TBC1D21: variants seen among roughly 807,000 people sequenced by gnomAD.
TBC1D21 encodes male germ cell Rab GTPase-activating protein.
Under a neutral mutation model 46.0 loss-of-function variants are expected in TBC1D21, and 38 were observed. The observed-to-expected ratio is 0.83, with a 90% CI of 0.64 to 1.08. TBC1D21 has a LOEUF of 1.08. Ranked by LOEUF, TBC1D21 falls within the 50% of genes least tolerant of loss-of-function variation. The pLI, the probability that TBC1D21 is intolerant of heterozygous loss-of-function variation, is 0.00. For synonymous variants in TBC1D21, 151 were observed against 157.2 expected (o/e 0.96, Z 0.29); for missense variants, 415 against 417.9 (o/e 0.99, Z 0.06).
chr15:73,888,437 A>G lies in TBC1D21; in HGVS notation c.902A>G (p.Asn301Ser), dbSNP rs1461487473. 1 of 1,613,728 alleles carries G rather than the reference A, an allele frequency of 6.2e-7. No individual in the cohort carries two copies. Among genetic ancestry groups the G allele is most frequent in the Non-Finnish European group, 8.5e-7 (1 of 1,179,860 alleles). ...TCCCACACTCCCATGCAGGCCTGCA[A>G]CAACCTCATCGACCTTGATGCTGAT... ...MGGDDILLAC[N>S]NLIDLDADEL... is the part of the protein sequence containing the mutation. Residue 301 changes from asparagine (N) to serine (S), a missense_variant, in exon 10 of 11, where the codon AAC (asparagine) becomes AGC (serine). Physicochemically the swap from Asn to Ser is conservative, Grantham distance 46 (BLOSUM62 1). Coordinates refer to ENST00000300504, the MANE Select transcript of TBC1D21 (RefSeq NM_153356.3).
chr15:73,904,617 C>T, the TBC1D21 span, among the ~76,000 whole-genome samples: 7 of 152,048 alleles, frequency 4.6e-5, no homozygotes, highest in Admixed American at 4.6e-4. Context: ...GCAGAATCAG[C>T]TTGGGGGAAG....
At position 73,889,130 on chromosome 15, in the gene TBC1D21, C is replaced by G. The variant is rs377767100; in HGVS notation, c.*29C>G. 5 of 1,609,602 alleles carry G rather than the reference C, an allele frequency of 3.1e-6. No homozygotes were observed. Among genetic ancestry groups the G allele is most frequent in the Non-Finnish European group, 4.2e-6 (5 of 1,177,720 alleles). On this transcript the variant is annotated 3_prime_UTR_variant, in exon 11 of 11. Coordinates refer to ENST00000300504, the MANE Select transcript of TBC1D21 (RefSeq NM_153356.3). ...CACCAAAGCCCGCAGTGGACTGATG[C>G]CTTCGATGGGCAGGATGAAGGCCAG... is the stretch of plus-strand genomic sequence containing the variant.
the TBC1D21 span, among the ~76,000 whole-genome samples, chr15:73,899,556 A>G: frequency 6.6e-6 from 1 of 152,228 alleles, no homozygotes; most frequent in African/African-American, 2.4e-5. Context: ...AAGGAGATCC[A>G]GGAAGGCAAC....
chr15:73,887,149 A>C (rs941138725), intron 8 of TBC1D21, among the ~76,000 whole-genome samples: 1 of 152,132 alleles, frequency 6.6e-6, no homozygotes, highest in African/African-American at 2.4e-5. Context: ...GTCCAGCCCA[A>C]CCATCCACCT....
rs202190676 is a variant in TBC1D21, at chr15:73,884,298, C to G, written c.367+53C>G. The stretch of plus-strand genomic sequence containing the variant: ...GGCAGAGGGAGGGCTTGAAGCCAAC[C>G]CTGCCCCCTTCTCAGCCACTTCCAG... On this transcript the variant is annotated intron_variant, in intron 4 of 10. Coordinates refer to ENST00000300504, the MANE Select transcript of TBC1D21 (RefSeq NM_153356.3). 120 of 1,511,166 alleles carry G rather than the reference C, an allele frequency of 7.9e-5. No individual in the cohort carries two copies. The East Asian group carries it at 2.0e-3, about 25-fold the overall frequency. 93.6% of individuals were successfully genotyped at this position (1,511,166 alleles called of 1,614,324 possible).
chr15:73,877,551 GAA>G (rs1309188965), intron 1 of TBC1D21, among the ~76,000 whole-genome samples: 1 of 74,984 alleles, frequency 1.3e-5, no homozygotes, highest in Non-Finnish European at 2.5e-5. Context: ...AAAAAAAAAA[GAA>G]ATCCCTACTC....
At chr15:73,878,136 C>G (rs1019600024) in intron 1 of TBC1D21, among the ~76,000 whole-genome samples, 2 of 152,222 alleles carry the variant, frequency 1.3e-5, no homozygotes, top group African/African-American at 4.8e-5. Context: ...TGCCTTTACT[C>G]ACAGATGAAC....
intron 8 of TBC1D21, among the ~76,000 whole-genome samples, 179 bp downstream of exon 8, chr15:73,886,791 T>A (rs1038965585): frequency 7.2e-5 from 11 of 152,206 alleles, no homozygotes; most frequent in African/African-American, 9.7e-5. Context: ...CATCACTTTG[T>A]CCATATGTTC....
downstream of TBC1D21, among the ~76,000 whole-genome samples, chr15:73,891,534 T>G (rs1457687930): frequency 1.3e-5 from 2 of 152,054 alleles, no homozygotes; most frequent in African/African-American, 4.8e-5. Flanking sequence ...AGCCCCACCC[T>G]CCCTGGCACA....
rs774064809 is a variant in TBC1D21 at position 73,886,097 on chromosome 15, A to G, written c.599A>G (p.Asn200Ser). 1 of 1,614,212 alleles carries G rather than the reference A, an allele frequency of 6.2e-7. No homozygotes were observed. Among genetic ancestry groups the G allele is most frequent in the Non-Finnish European group, 8.5e-7 (1 of 1,180,036 alleles). The change falls in exon 7 of 11, where the codon AAC (asparagine) becomes AGC (serine). Residue 200 changes from asparagine to serine, a missense_variant. Physicochemically the swap from Asn to Ser is conservative, Grantham distance 46. Coordinates refer to ENST00000300504, the MANE Select transcript of TBC1D21 (RefSeq NM_153356.3). ...GTGCAGGAACACAGCTGTGTCATCA[A>G]CATTGGCGTGGCCAAGAACCTAGAC... ...LQKTEHSCVI[N>S]IGVAKNLDML... is the part of the protein sequence containing the mutation.
intron 1 of TBC1D21, among the ~76,000 whole-genome samples, chr15:73,879,136 G>A (rs1173239917): frequency 2.0e-5 from 3 of 152,218 alleles, no homozygotes; most frequent in Non-Finnish European, 4.4e-5. Context: ...TATACAGTTA[G>A]TAGAAATTAT....
At position 73,873,695 on chromosome 15, in the gene TBC1D21, A is replaced by T. The variant is rs762415786; in HGVS notation, c.-15A>T. The T allele has an allele frequency of 5.6e-6, 9 of 1,600,672 alleles. No homozygotes were observed. In the East Asian group the frequency reaches 2.0e-4, roughly 36 times the overall value. On this transcript the variant is annotated 5_prime_UTR_variant, in exon 1 of 11. Transcript: ENST00000300504. ...TGAGTTCTGATCAGAGGCTGTTCGG[A>T]AGACAGCAGGGGCCATGACCACCCT... is the stretch of plus-strand genomic sequence containing the variant.
At chr15:73,898,146 C>G in the TBC1D21 span, among the ~76,000 whole-genome samples, 16 of 152,354 alleles carry the variant, frequency 1.1e-4, no homozygotes, top group South Asian at 3.3e-3. Context: ...TTCTCGGTCT[C>G]CAACCCCTCA....
the TBC1D21 span, among the ~76,000 whole-genome samples, chr15:73,902,442 C>A: frequency 6.6e-6 from 1 of 152,194 alleles, no homozygotes; most frequent in Non-Finnish European, 1.5e-5. Context: ...AAGCTGGAAG[C>A]CTTTGAAATC....
chr15:73,900,879 C>T, the TBC1D21 span, among the ~76,000 whole-genome samples: 10 of 152,186 alleles, frequency 6.6e-5, no homozygotes, highest in Non-Finnish European at 1.3e-4. Context: ...TCAGTCTGCT[C>T]ATCTGTAAAA....
the TBC1D21 span, among the ~76,000 whole-genome samples, chr15:73,898,279 T>C: frequency 6.6e-6 from 1 of 152,214 alleles, no homozygotes; most frequent in African/African-American, 2.4e-5. Flanking sequence ...GGGCAGGTCA[T>C]TAGGCCAGCA....
At chr15:73,876,507 T>C (rs746450406) in intron 1 of TBC1D21, among the ~76,000 whole-genome samples, 1 of 150,718 alleles carries the variant, frequency 6.6e-6, no homozygotes, top group Non-Finnish European at 1.5e-5. Flanking sequence ...CCTCCCAAAG[T>C]GCTGGGATTA....
chr15:73,889,222 T>C (rs1173414453), downstream of TBC1D21: 1 of 1,207,346 alleles, frequency 8.3e-7, no homozygotes, highest in African/African-American at 1.5e-5. Context: ...TAATGGTTTG[T>C]GGTGGATGCT....
chr15:73,876,006 T>C (rs1358484757), intron 1 of TBC1D21, among the ~76,000 whole-genome samples: 1 of 151,858 alleles, frequency 6.6e-6, no homozygotes, highest in Non-Finnish European at 1.5e-5. Context: ...AGAGAGGGCT[T>C]CTAAGTGACA....
Sources: gnomAD v4.1 joint callset for allele counts (sites outside exome capture counted in the v4.1 genomes callset) on GRCh38, gnomAD v4.1.1 for gene constraint, MANE v1.5 for transcripts, NCBI Gene and HGNC (gene_info 2026-07-23, HGNC 2026-07-21) for gene names.